The following TBC1D13 variants were observed in gnomAD, a reference collection of about 807,000 sequenced individuals.
TBC1D13 encodes the protein epididymis secretory sperm binding protein.
A neutral mutation model predicts 53.6 loss-of-function variants in TBC1D13; 40 were observed. The ratio of observed to expected loss-of-function variants is 0.75; its 90% CI spans 0.58 to 0.97. The LOEUF (loss-of-function observed/expected upper bound fraction) is 0.97, where lower values mean the gene tolerates loss of function less well. Among genes scored for constraint, TBC1D13 ranks in the 50% least tolerant of loss-of-function variants. The probability of loss-of-function intolerance (pLI) is 0.00; values close to 1 mark genes in which losing one functional copy is unlikely to be tolerated. For missense variants in TBC1D13, 377 were observed against 499.4 expected, an observed-to-expected ratio of 0.75 and a Z score of 2.34; for synonymous variants, 182 against 197.7, an observed-to-expected ratio of 0.92 and a Z score of 0.67.
Position 128,808,244 on chromosome 9 carries a change from G to C in TBC1D13, c.*365G>C. 3.5e-6 allele frequency: 1 copy of C among 283,450 alleles called. No homozygotes were observed. The highest frequency in any genetic ancestry group is 4.7e-5 in the South Asian group (1 of 21,116). 17.6% of individuals were successfully genotyped at this position (283,450 alleles called of 1,614,324 possible). The stretch of plus-strand genomic sequence containing the variant: ...CTGGTCTTCTCCTGGGCTCCACTCA[G>C]GGGAGGTGCTTGGCCAATGGGCCAG... On this transcript the variant is annotated 3_prime_UTR_variant, in exon 12 of 12. Transcript: ENST00000372648.
intron 9 of TBC1D13, 22 bp downstream of exon 9, chr9:128,804,141 G>C (rs763238805): frequency 1.9e-6 from 3 of 1,611,382 alleles, no homozygotes; most frequent in Non-Finnish European, 2.5e-6. Flanking sequence ...AGGAACAGAC[G>C]GGTGGAAAGG....
intron 7 of TBC1D13, among the ~76,000 whole-genome samples, chr9:128,802,413 A>G (rs760657347): frequency 6.6e-6 from 1 of 152,174 alleles, no homozygotes; most frequent in Non-Finnish European, 1.5e-5. Context: ...GTGTACAATT[A>G]GAGAATGTTT....
intron 6 of TBC1D13, among the ~76,000 whole-genome samples, chr9:128,795,221 ATTT>A (rs749057362): frequency 7.4e-6 from 1 of 135,626 alleles, no homozygotes. Context: ...CACCCAGCTA[ATTT>A]TTTTTTTTTT....
At chr9:128,798,885 A>AT (rs1416673211) in intron 7 of TBC1D13, among the ~76,000 whole-genome samples, 1 of 151,918 alleles carries the variant, frequency 6.6e-6, no homozygotes, top group Non-Finnish European at 1.5e-5. Flanking sequence ...TGTTTGTTTT[A>AT]TTTTTTTAAA....
intron 5 of TBC1D13, 82 bp downstream of exon 5, chr9:128,791,775 GC>G: frequency 8.1e-7 from 1 of 1,228,964 alleles, no homozygotes; most frequent in South Asian, 1.2e-5. Context: ...GCCCCTGCAT[GC>G]CAGGGGGTAG....
intron 7 of TBC1D13, among the ~76,000 whole-genome samples, chr9:128,800,622 G>A (rs1829716096): frequency 1.3e-5 from 2 of 152,016 alleles, no homozygotes; most frequent in South Asian, 4.1e-4. Context: ...GTTTCCCAAA[G>A]TGCTGGGATT....
intron 6 of TBC1D13, among the ~76,000 whole-genome samples, chr9:128,794,914 C>T (rs1350139799): frequency 6.6e-6 from 1 of 151,762 alleles, no homozygotes; most frequent in African/African-American, 2.4e-5. Context: ...TAGACACCAT[C>T]TCCCAACTTG....
chr9:128,806,623 G>C (rs961996587), intron 11 of TBC1D13, among the ~76,000 whole-genome samples: 1 of 152,192 alleles, frequency 6.6e-6, no homozygotes, highest in Non-Finnish European at 1.5e-5. Flanking sequence ...TCAGGCCCGG[G>C]GAAGGAGGGT....
chr9:128,805,712 G>A, intron 9 of TBC1D13, 147 bp from the exon 10 acceptor site: 2 of 851,964 alleles, frequency 2.3e-6, no homozygotes, highest in Non-Finnish European at 1.8e-6. Context: ...AGGCAAGGCT[G>A]TCCGGCAGCC....
chr9:128,797,289 A>G, intron 7 of TBC1D13, 75 bp downstream of exon 7: 1 of 1,504,994 alleles, frequency 6.6e-7, no homozygotes, highest in Admixed American at 1.8e-5. Context: ...ACTCCTGGCC[A>G]CAAGGTGTCG....
intron 7 of TBC1D13, 79 bp from the exon 8 acceptor site, chr9:128,803,171 C>T: frequency 1.4e-6 from 2 of 1,381,210 alleles, no homozygotes; most frequent in Non-Finnish European, 2.0e-6. Context: ...CCTCAGCCTC[C>T]CAAAGTGCTG....
intron 6 of TBC1D13, among the ~76,000 whole-genome samples, chr9:128,796,306 A>G (rs1405646749): frequency 1.3e-5 from 2 of 151,382 alleles, no homozygotes; most frequent in African/African-American, 4.9e-5. Context: ...CTGGAGTGCA[A>G]TGGCACGATC....
At chr9:128,795,694 T>A (rs1829617844) in intron 6 of TBC1D13, among the ~76,000 whole-genome samples, 1 of 151,976 alleles carries the variant, frequency 6.6e-6, no homozygotes, top group African/African-American at 2.4e-5. Flanking sequence ...TCTCTGGACC[T>A]CGTGATCCGC....
chr9:128,808,830 C>T lies in TBC1D13; in HGVS notation c.*951C>T, dbSNP rs908046391. 5 of 152,248 alleles carry T rather than the reference C, an allele frequency of 3.3e-5. No homozygotes were observed. Among genetic ancestry groups the T allele is most frequent in the African/African-American group, 1.2e-4 (5 of 41,434 alleles). The allele number at this position is 152,248 out of a possible 1,614,324, so 9.4% of individuals were successfully genotyped here. A position where few individuals can be genotyped will look rare whatever the true frequency, so the allele number is the denominator to read the frequency against. On this transcript the variant is annotated 3_prime_UTR_variant, in exon 12 of 12. Transcript: ENST00000372648. Reference sequence around the variant, plus strand: ...CTGAACCCGTTCCCTACACAGAAATCTTGGAAACCAAATGCTGCTGAGTAA... The same window carrying T: ...CTGAACCCGTTCCCTACACAGAAATTTTGGAAACCAAATGCTGCTGAGTAA...
At chr9:128,797,989 A>C (rs1829665566) in intron 7 of TBC1D13, among the ~76,000 whole-genome samples, 1 of 152,192 alleles carries the variant, frequency 6.6e-6, no homozygotes, top group South Asian at 2.1e-4. Context: ...GTGGTGGCTC[A>C]TGCCTGTAAT....
chr9:128,804,240 G>T, intron 9 of TBC1D13, 121 bp downstream of exon 9: 6 of 1,170,678 alleles, frequency 5.1e-6, no homozygotes, highest in Non-Finnish European at 7.1e-6. Context: ...TGCTGCTGCT[G>T]CCCGGGACGC....
At chr9:128,789,990 C>T (rs1829501184) in intron 2 of TBC1D13, 1 of 151,882 alleles carries the variant, frequency 6.6e-6, no homozygotes, top group Admixed American at 6.6e-5. Context: ...GGCATGGTGG[C>T]TCACACCTGT....
chr9:128,802,416 G>C (rs10988120), intron 7 of TBC1D13, among the ~76,000 whole-genome samples: 56,655 of 152,048 alleles, frequency 0.37, 13,988 homozygotes, highest in African/African-American at 0.71. Flanking sequence ...TACAATTAGA[G>C]AATGTTTTTC....
At position 128,797,177 on chromosome 9, in the gene TBC1D13, C is replaced by G. The variant is rs1436666107; in HGVS notation, c.506C>G (p.Ser169Cys). 3 of 1,614,084 alleles carry G rather than the reference C, an allele frequency of 1.9e-6. No individual in the cohort carries two copies. Among genetic ancestry groups the G allele is most frequent in the Non-Finnish European group, 2.5e-6 (3 of 1,179,996 alleles). ...RKRVEQTTLKSQTVARNRSGV... is the reference protein window; with the variant it reads ...RKRVEQTTLKCQTVARNRSGV... ...AGAGTGGAACAGACAACACTGAAAT[C>G]TCAGACGGTGGCCCGGAACCGGAGT... Residue 169 changes from serine (S) to cysteine (C), a missense_variant, in exon 7 of 12, where the codon TCT becomes TGT. Physicochemically the swap from Ser to Cys is moderately radical, Grantham distance 112. Transcript: ENST00000372648.
Sources: allele counts gnomAD v4.1 joint callset (sites outside exome capture counted in the v4.1 genomes callset), GRCh38; gene constraint gnomAD v4.1.1; transcripts MANE v1.5; gene names NCBI Gene and HGNC (gene_info 2026-07-23, HGNC 2026-07-21).